The following ITGB4 variants were observed in gnomAD, a reference collection of about 807,000 sequenced individuals.
The protein encoded by ITGB4 is integrin beta-4.
Under a neutral mutation model 207.6 loss-of-function variants are expected in ITGB4, and 159 were observed. The observed-to-expected ratio is 0.77, with a 90% CI of 0.67 to 0.87. The LOEUF is 0.87. ITGB4 is among the 40% of genes least tolerant of loss of function. The probability of loss-of-function intolerance (pLI) is 0.00; values close to 1 mark genes in which losing one functional copy is unlikely to be tolerated. For synonymous variants in ITGB4, 1,020 were observed against 1,062.7 expected (o/e 0.96, Z 0.78); for missense variants, 2,278 against 2,546.8 (o/e 0.89, Z 2.27).
intron 16 of ITGB4, 105 bp downstream of exon 16, chr17:75,736,799 G>A: frequency 7.7e-7 from 1 of 1,293,088 alleles, no homozygotes. Context: ...TCTGGGCTAA[G>A]GTCACACAGT....
Position 75,756,994 on chromosome 17 carries a change from C to G in ITGB4, c.5105C>G (p.Thr1702Ser). ...VDGDSPESRL[T>S]VPGLSENVPY... is the part of the protein sequence containing the mutation. ...GGAGACAGCCCCGAGAGCCGGCTGACCGTGCCGGGCCTCAGCGAGAACGTG... is the reference window on the plus strand; with the variant it reads ...GGAGACAGCCCCGAGAGCCGGCTGAGCGTGCCGGGCCTCAGCGAGAACGTG... The change falls in exon 38 of 40, where the codon ACC (threonine) becomes AGC (serine). Residue 1702 changes from threonine (T) to serine (S), a missense_variant. Transcript: ENST00000200181. 5.6e-6 allele frequency: 9 copies of G among 1,612,862 alleles called. No individual in the cohort carries two copies. Among genetic ancestry groups the G allele is most frequent in the Non-Finnish European group, 7.6e-6 (9 of 1,179,968 alleles).
rs1742115109 is a variant in ITGB4, at chr17:75,749,036, A to G, written c.3307A>G (p.Arg1103Gly). The change falls in exon 27 of 40, where the codon AGG becomes GGG. Residue 1103 changes from arginine (R) to glycine (G), a missense_variant. Transcript: ENST00000200181. ...GQPHSTTIII[R>G]DPDELDRSFT... Reference sequence around the variant, plus strand: ...GCCCCACTCCACCACCATCATCATCAGGGACCCAGGTAGGCAGAGCCTGGG... The same window carrying G: ...GCCCCACTCCACCACCATCATCATCGGGGACCCAGGTAGGCAGAGCCTGGG... 6.2e-7 allele frequency: 1 copy of G among 1,610,866 alleles called. No individual in the cohort carries two copies. The highest frequency in any genetic ancestry group is 8.5e-7 in the Non-Finnish European group (1 of 1,179,890).
intron 30 of ITGB4, among the ~76,000 whole-genome samples, chr17:75,751,395 A>AG (rs1305321909): frequency 1.3e-5 from 2 of 152,196 alleles, no homozygotes; most frequent in African/African-American, 4.8e-5. Context: ...GTAACCAGGG[A>AG]GCTCACACGT....
chr17:75,753,750 T>C lies in ITGB4; in HGVS notation c.4109-15T>C. 1 of 1,413,678 alleles carries C rather than the reference T, an allele frequency of 7.1e-7. No individual in the cohort carries two copies. Among genetic ancestry groups the C allele is most frequent in the South Asian group, 1.6e-5 (1 of 61,238 alleles). 87.6% of individuals were successfully genotyped at this position (1,413,678 alleles called of 1,614,324 possible). A position where few individuals can be genotyped will look rare whatever the true frequency, so the allele number is the denominator to read the frequency against. On this transcript the variant is annotated splice_polypyrimidine_tract_variant and intron_variant, in intron 32 of 39. Transcript: ENST00000200181. Reference sequence around the variant, plus strand: ...CCCCCCGGCGGTGCCAACGCGGCCCTTCGTTGTTCCCAAGGCTGCGGCTGG... The same window carrying C: ...CCCCCCGGCGGTGCCAACGCGGCCCCTCGTTGTTCCCAAGGCTGCGGCTGG...
chr17:75,731,884 C>T lies in ITGB4; in HGVS notation c.1288C>T (p.Gln430Ter). Reference protein sequence around the residue: ...GTHVCQLPEDQKGNIHLKPSF... With the variant: ...GTHVCQLPED ...GCACGTGTGCCAGCTGCCGGAGGAC[C>T]AGAAGGGCAACATCCATCTGAAACC... Residue 430 changes from glutamine (Q) to a stop codon, truncating the protein, a stop_gained, in exon 11 of 40, where the codon CAG becomes TAG. Transcript: ENST00000200181. LOFTEE classifies it high-confidence loss of function. This position sits in a 1 kb window ranked among gnomAD's most constrained non-coding sequence, Gnocchi z 6.8. The T allele has an allele frequency of 6.2e-7, 1 of 1,613,982 alleles. No homozygotes were observed. The highest frequency in any genetic ancestry group is 8.5e-7 in the Non-Finnish European group (1 of 1,179,982).
rs548601802 is a variant in ITGB4, at chr17:75,731,036, G to A, written c.1092+72G>A. 235 of 1,473,866 alleles carry A rather than the reference G, an allele frequency of 1.6e-4. No individual in the cohort carries two copies. The highest frequency in any genetic ancestry group is 3.0e-4 in the Admixed American group (18 of 59,494). The allele number at this position is 1,473,866 out of a possible 1,614,324, so 91.3% of individuals were successfully genotyped here. On this transcript the variant is annotated intron_variant, in intron 9 of 39. Transcript: ENST00000200181. The surrounding 1 kb of genome is among the most constrained non-coding windows in gnomAD (Gnocchi z 6.8). ...CAGGAAGTGGGCAGGGTGGGCAAGAGGTGTCTTGGATCACGGTGGAGAAAT... is the reference window on the plus strand; with the variant it reads ...CAGGAAGTGGGCAGGGTGGGCAAGAAGTGTCTTGGATCACGGTGGAGAAAT...
At chr17:75,755,321 A>C in intron 34 of ITGB4, 1 of 1,221,282 alleles carries the variant, frequency 8.2e-7, no homozygotes, top group Non-Finnish European at 1.1e-6. Context: ...CATTCCATCC[A>C]CAGGACCCCC....
chr17:75,733,691 T>C lies in ITGB4; in HGVS notation c.1656T>C (p.Asn552=), dbSNP rs761528954. 5.6e-6 allele frequency: 9 copies of C among 1,613,752 alleles called. No individual in the cohort carries two copies. The highest frequency in any genetic ancestry group is 1.6e-4 in the Middle Eastern group (1 of 6,084). Residue 552 remains asparagine, a splice_region_variant and synonymous_variant, in exon 13 of 40, where the codon AAT becomes AAC. Coordinates refer to ENST00000200181, the MANE Select transcript of ITGB4 (RefSeq NM_000213.5). The part of the protein sequence containing the change: ...QCPRTSGFLC[N]DRGRCSMGQC... Reference sequence around the variant, plus strand: ...CCCGCACTTCCGGGTTCCTCTGCAATGGTGAGCACAACAACTGCGGCCAAT... The same window carrying C: ...CCCGCACTTCCGGGTTCCTCTGCAACGGTGAGCACAACAACTGCGGCCAAT...
intron 26 of ITGB4, among the ~76,000 whole-genome samples, 155 bp from the exon 27 acceptor site, chr17:75,748,686 A>G (rs1020199994): frequency 6.0e-5 from 9 of 150,858 alleles, no homozygotes; most frequent in Non-Finnish European, 1.3e-4. Flanking sequence ...AAAAACAAAC[A>G]AAAAAAACAC....
chr17:75,742,443 C>T lies in ITGB4; in HGVS notation c.2736C>T (p.His912=), dbSNP rs375687714. 1.4e-5 allele frequency: 23 copies of T among 1,613,158 alleles called. No homozygotes were observed. The highest frequency in any genetic ancestry group is 1.2e-4 in the African/African-American group (9 of 75,054). The change falls in exon 24 of 40, where the codon CAC becomes CAT. Residue 912 remains histidine (H), a synonymous_variant. Coordinates refer to ENST00000200181, the MANE Select transcript of ITGB4 (RefSeq NM_000213.5). The surrounding 1 kb of genome is among the most constrained non-coding windows in gnomAD (Gnocchi z 5.9). Reference sequence around the variant, plus strand: ...AGCAGGTGGAACAGAGGGCCTTCCACGACCTCAAGGTGGCCCCCGGCTACT... The same window carrying T: ...AGCAGGTGGAACAGAGGGCCTTCCATGACCTCAAGGTGGCCCCCGGCTACT... The part of the protein sequence containing the change: ...TEKQVEQRAF[H]DLKVAPGYYT...
intron 2 of ITGB4, 74 bp downstream of exon 2, chr17:75,724,856 T>C: frequency 8.3e-7 from 1 of 1,197,800 alleles, no homozygotes; most frequent in South Asian, 1.2e-5. Context: ...TGCACGGGGA[T>C]CTCACGGTGT....
chr17:75,730,865 T>A lies in ITGB4; in HGVS notation c.1003-10T>A. 7 of 1,607,260 alleles carry A rather than the reference T, an allele frequency of 4.4e-6. No individual in the cohort carries two copies. The highest frequency in any genetic ancestry group is 6.0e-6 in the Non-Finnish European group (7 of 1,175,170). On this transcript the variant is annotated splice_polypyrimidine_tract_variant and intron_variant, in intron 8 of 39. Transcript: ENST00000200181. ...ATGCTTAGCCTGAGACCTGGCCTTC[T>A]CTCCCGCAGAAGCTTCACACCTATT...
rs761093847 is a variant in ITGB4, at chr17:75,755,797, G to A, written c.4655G>A (p.Arg1552Gln). ...TSLRVSWQEP[R>Q]CERPLQGYSV... The stretch of plus-strand genomic sequence containing the variant: ...CTCAGAGTGAGCTGGCAGGAGCCGC[G>A]GTGCGAGCGGCCGCTGCAGGGCTAC... The change falls in exon 35 of 40, where the codon CGG (arginine) becomes CAG (glutamine). Residue 1552 changes from arginine (R) to glutamine (Q), a missense_variant. Arg to Gln is a conservative substitution (Grantham distance 43). Transcript: ENST00000200181. 44 of 1,610,832 alleles carry A rather than the reference G, an allele frequency of 2.7e-5. No individual in the cohort carries two copies. Among genetic ancestry groups the A allele is most frequent in the African/African-American group, 8.0e-5 (6 of 74,912 alleles).
At position 75,742,395 on chromosome 17, in the gene ITGB4, G is replaced by C; in HGVS notation, c.2688G>C (p.Pro896=). Residue 896 remains proline, a synonymous_variant, in exon 24 of 40, where the codon CCG becomes CCC. Coordinates refer to ENST00000200181, the MANE Select transcript of ITGB4 (RefSeq NM_000213.5). The surrounding 1 kb of genome is among the most constrained non-coding windows in gnomAD (Gnocchi z 5.9). ...TGATGGCGCCCCGCTCGGCCAAGCC[G>C]GCCCTGCTGAAGCTTACAGAGAAGC... ...TVLMAPRSAK[P]ALLKLTEKQV... 2 of 1,613,376 alleles carry C rather than the reference G, an allele frequency of 1.2e-6. No homozygotes were observed. The highest frequency in any genetic ancestry group is 2.2e-5 in the South Asian group (2 of 91,068).
intron 26 of ITGB4, among the ~76,000 whole-genome samples, chr17:75,747,712 G>A (rs2061262939): frequency 6.6e-6 from 1 of 152,152 alleles, no homozygotes; most frequent in South Asian, 2.1e-4. Flanking sequence ...CCAGGCTGGA[G>A]TACAGTGCCT....
chr17:75,756,402 C>T (rs1246474493), intron 35 of ITGB4, 27 bp from the exon 36 acceptor site: 1 of 1,612,208 alleles, frequency 6.2e-7, no homozygotes, highest in Non-Finnish European at 8.5e-7. Context: ...CACTGCACTA[C>T]TGTGTGCCCC....
At chr17:75,755,254 C>T (rs372701693) in intron 34 of ITGB4, 5 of 1,578,602 alleles carry the variant, frequency 3.2e-6, no homozygotes, top group Non-Finnish European at 4.3e-6. Flanking sequence ...AGCTGTCCTG[C>T]TCCATCTGTC....
At chr17:75,749,824 G>A (rs910645545) in intron 27 of ITGB4, among the ~76,000 whole-genome samples, 1 of 152,156 alleles carries the variant, frequency 6.6e-6, no homozygotes, top group Admixed American at 6.5e-5. Flanking sequence ...GGGGTGGGGA[G>A]CAAATGTTCT....
chr17:75,741,093 T>C, intron 23 of ITGB4, 88 bp downstream of exon 23: 1 of 1,449,108 alleles, frequency 6.9e-7, no homozygotes, highest in Non-Finnish European at 9.5e-7. Flanking sequence ...CCCTACTCCA[T>C]CTCCATCCCA....
Sources: allele counts gnomAD v4.1 joint callset (sites outside exome capture counted in the v4.1 genomes callset), GRCh38; gene constraint gnomAD v4.1.1; non-coding constraint Gnocchi (gnomAD v3.1); transcripts MANE v1.5; gene names NCBI Gene and HGNC (gene_info 2026-07-23, HGNC 2026-07-21).